Variants in ZNF536 observed in about 807,000 individuals in gnomAD.
ZNF536 encodes zinc finger protein 536.
Under a neutral mutation model 84.5 loss-of-function variants are expected in ZNF536, and 13 were observed. The observed-to-expected ratio is 0.15, with a 90% CI of 0.10 to 0.24. The LOEUF (loss-of-function observed/expected upper bound fraction) is 0.24. Among genes scored for constraint, ZNF536 ranks in the 10% least tolerant of loss-of-function variants. The pLI is 1.00. For missense variants in ZNF536, 1,536 were observed against 1,747.5 expected, an observed-to-expected ratio of 0.88 and a Z score of 2.16; for synonymous variants, 811 against 742.5, an observed-to-expected ratio of 1.09 and a Z score of -1.50.
At position 30,404,019 on chromosome 19, in the gene ZNF536, C is replaced by CTT. The variant is rs11336660; in HGVS notation, c.-3+31482_-3+31483dup. ...ATTTTTTTCTTTCCTTTCCTTTCCT[C>CTT]TTTTTTTTTTTTTTTTTTTTCTGCT... On this transcript the variant is annotated intron_variant, in intron 1 of 4. Coordinates refer to ENST00000355537, the MANE Select transcript of ZNF536 (RefSeq NM_014717.3). Among the ~76,000 whole-genome samples, 56 of 123,358 alleles carry CTT rather than the reference C, an allele frequency of 4.5e-4. 1 individual carries two copies. Among genetic ancestry groups the CTT allele is most frequent in the Middle Eastern group, 4.2e-3 (1 of 240 alleles). 80.9% of individuals were successfully genotyped at this position (123,358 alleles called of 152,430 possible). A position where few individuals can be genotyped will look rare whatever the true frequency, so the allele number is the denominator to read the frequency against.
intron 1 of ZNF536, among the ~76,000 whole-genome samples, chr19:30,627,468 C>CAAAAAAAAAAAAAAAAAAAA (rs569312789): frequency 7.7e-5 from 4 of 52,048 alleles, no homozygotes; most frequent in South Asian, 8.8e-4. Context: ...AAGGCCCTGT[C>CAAAAAAAAAAAAAAAAAAAA]AAAAAAAAAA....
chr19:30,484,406 T>G (rs1188447248), intron 2 of ZNF536, among the ~76,000 whole-genome samples: 3 of 148,898 alleles, frequency 2.0e-5, no homozygotes, highest in Admixed American at 6.6e-5. Flanking sequence ...TTTTTTTTTT[T>G]TTTGTATTTT....
intron 1 of ZNF536, among the ~76,000 whole-genome samples, chr19:30,639,645 T>A (rs1478441515): frequency 2.0e-5 from 3 of 152,256 alleles, no homozygotes; most frequent in African/African-American, 7.2e-5. Flanking sequence ...TTATTTCTTA[T>A]CTGTTCTTAC....
intron 1 of ZNF536, among the ~76,000 whole-genome samples, chr19:30,431,547 C>A (rs888346369): frequency 6.6e-6 from 1 of 152,238 alleles, no homozygotes; most frequent in Non-Finnish European, 1.5e-5. Flanking sequence ...ATCAAGCCCC[C>A]TTTGATCACT....
chr19:30,407,010 AG>A (rs1321957458), intron 1 of ZNF536, among the ~76,000 whole-genome samples: 2 of 152,092 alleles, frequency 1.3e-5, no homozygotes, highest in East Asian at 3.9e-4. Flanking sequence ...TACTTTAATG[AG>A]GGGGGATTTT....
rs113185152 is a variant in ZNF536 at position 30,289,995 on chromosome 19, C to T, written c.-120+5854C>T. Among the ~76,000 whole-genome samples the T allele has an allele frequency of 4.4e-3, 675 of 152,280 alleles. 5 individuals carry two copies. Among genetic ancestry groups the T allele is most frequent in the African/African-American group, 0.015 (637 of 41,572 alleles). ...CTCCCATCTCTAGAACGTTTTGAAACGGAAACTCTATACCCATTAAATAAC... is the reference window on the plus strand; with the variant it reads ...CTCCCATCTCTAGAACGTTTTGAAATGGAAACTCTATACCCATTAAATAAC... On this transcript the variant is annotated intron_variant, in intron 2 of 5. Coordinates refer to the ZNF536 transcript ENST00000585628.
intron 1 of ZNF536, among the ~76,000 whole-genome samples, chr19:30,666,510 C>G (rs1338974031): frequency 6.6e-6 from 1 of 152,074 alleles, no homozygotes; most frequent in Non-Finnish European, 1.5e-5. Flanking sequence ...ATGGCGGCCT[C>G]TGCACAGAAG....
intron 2 of ZNF536, among the ~76,000 whole-genome samples, chr19:30,337,185 C>T (rs559779878): frequency 2.0e-5 from 3 of 152,136 alleles, no homozygotes; most frequent in Non-Finnish European, 2.9e-5. Flanking sequence ...GATGGAAACC[C>T]CTGCTGAGGC....
At chr19:30,435,936 T>C (rs554550603) in intron 1 of ZNF536, among the ~76,000 whole-genome samples, 2 of 152,320 alleles carry the variant, frequency 1.3e-5, no homozygotes, top group South Asian at 4.1e-4. Context: ...AATTTTTTTT[T>C]CACCAAACCC....
intron 1 of ZNF536, among the ~76,000 whole-genome samples, chr19:30,646,826 G>T (rs1189280478): frequency 6.6e-6 from 1 of 152,126 alleles, no homozygotes; most frequent in African/African-American, 2.4e-5. Context: ...CCACGTTTGG[G>T]CGCATTTCCG....
Position 30,549,356 on chromosome 19 carries a change from C to T in ZNF536, c.3737C>T (p.Ala1246Val), listed in dbSNP as rs200396158. ...QGLLQAQDPL[A>V]GLPKPERGPQ... ...CTTCTCCAAGCCCAGGACCCCTTGG[C>T]GGGCCTGCCAAAGCCGGAGCGGGGG... The change falls in exon 4 of 5, where the codon GCG becomes GTG. Residue 1246 changes from alanine (A) to valine (V), a missense_variant. Physicochemically the swap from Ala to Val is moderately conservative, Grantham distance 64. This residue lies in a region of ZNF536 where 624 missense variants were observed against 603.1 expected (regional missense o/e 1.03). Transcript: ENST00000355537. 32 of 1,601,932 alleles carry T rather than the reference C, an allele frequency of 2.0e-5. No homozygotes were observed. Among genetic ancestry groups the T allele is most frequent in the Admixed American group, 5.1e-5 (3 of 58,934 alleles).
At chr19:30,680,930 T>C (rs1322225173) in intron 1 of ZNF536, among the ~76,000 whole-genome samples, 1 of 152,190 alleles carries the variant, frequency 6.6e-6, no homozygotes, top group Non-Finnish European at 1.5e-5. Context: ...TCCTGACTTT[T>C]TAATGATCAC....
upstream of ZNF536, among the ~76,000 whole-genome samples, chr19:30,367,683 T>C (rs1231844508): frequency 6.6e-6 from 1 of 152,210 alleles, no homozygotes; most frequent in African/African-American, 2.4e-5. Flanking sequence ...TGGGAAGTGC[T>C]GGTGATGCTG....
At chr19:30,695,845 C>A (rs1241783383) in intron 1 of ZNF536, among the ~76,000 whole-genome samples, 2 of 152,062 alleles carry the variant, frequency 1.3e-5, no homozygotes, top group African/African-American at 4.8e-5. Context: ...CTGGCTGTCA[C>A]CATCTCTGCT....
chr19:30,709,009 T>A (rs1420649933), intron 1 of ZNF536, among the ~76,000 whole-genome samples: 2 of 152,098 alleles, frequency 1.3e-5, no homozygotes, highest in East Asian at 3.9e-4. Flanking sequence ...AAACAGCACA[T>A]GAGAGCTTCC....
chr19:30,505,562 A>G (rs949041218), intron 2 of ZNF536, among the ~76,000 whole-genome samples: 14 of 151,592 alleles, frequency 9.2e-5, no homozygotes, highest in Non-Finnish European at 1.8e-4. Flanking sequence ...CTCAGTTTAT[A>G]AAGAAAACAT....
intron 1 of ZNF536, among the ~76,000 whole-genome samples, chr19:30,674,116 T>C (rs938114119): frequency 1.3e-5 from 2 of 152,206 alleles, no homozygotes; most frequent in African/African-American, 4.8e-5. Flanking sequence ...GAGGCAGATA[T>C]TGTGTTTCAG....
chr19:30,344,505 C>T (rs1437703039), intron 2 of ZNF536, among the ~76,000 whole-genome samples: 1 of 147,410 alleles, frequency 6.8e-6, no homozygotes, highest in Non-Finnish European at 1.5e-5. Flanking sequence ...ATACTTGGGA[C>T]ATGATGCATC....
At chr19:30,418,440 A>C (rs1376830633) in intron 1 of ZNF536, among the ~76,000 whole-genome samples, 2 of 152,224 alleles carry the variant, frequency 1.3e-5, no homozygotes, top group East Asian at 3.8e-4. Context: ...GATGCTTAGT[A>C]ATTGTTGGTT....
Sources: allele counts gnomAD v4.1 joint callset (sites outside exome capture counted in the v4.1 genomes callset), GRCh38; gene constraint gnomAD v4.1.1; regional missense constraint gnomAD v4.1.1; transcripts MANE v1.5; gene names NCBI Gene and HGNC (gene_info 2026-07-23, HGNC 2026-07-21).